SIGLEC8: variants seen among roughly 807,000 people sequenced by gnomAD.
SIGLEC8 encodes sialic acid binding Ig like lectin 8.
In SIGLEC8, 32 loss-of-function variants were observed where a neutral mutation model predicts 42.1. The ratio of observed to expected loss-of-function variants is 0.76; its 90% CI spans 0.57 to 1.02. SIGLEC8 has a LOEUF of 1.02. Ranked by LOEUF, SIGLEC8 falls within the 50% of genes least tolerant of loss-of-function variation. The pLI, the probability that SIGLEC8 is intolerant of heterozygous loss-of-function variation, is 0.00. For missense variants in SIGLEC8, 611 were observed against 610.2 expected, an observed-to-expected ratio of 1.00 and a Z score of -0.01; for synonymous variants, 262 against 260.3, an observed-to-expected ratio of 1.01 and a Z score of -0.06.
Position 51,454,104 on chromosome 19 carries a change from A to G in SIGLEC8, c.1245+115T>C, listed in dbSNP as rs1599927552. ...GTCCTGTAGAAGCCGGCCTGTGGGA[A>G]GGAGGAGGAGACGAGGAAGTGACTT... On this transcript the variant is annotated intron_variant, in intron 6 of 6. Coordinates refer to ENST00000321424, the MANE Select transcript of SIGLEC8 (RefSeq NM_014442.3). This position sits in a 1 kb window ranked among gnomAD's most constrained non-coding sequence, Gnocchi z 4.7. 4 of 1,518,720 alleles carry G rather than the reference A, an allele frequency of 2.6e-6. No homozygotes were observed. The East Asian group carries it at 7.0e-5, about 27-fold the overall frequency. The allele number at this position is 1,518,720 out of a possible 1,614,324, so 94.1% of individuals were successfully genotyped here. A position where few individuals can be genotyped will look rare whatever the true frequency, so the allele number is the denominator to read the frequency against.
chr19:51,457,855 C>T, intron 1 of SIGLEC8, 79 bp downstream of exon 1: 1 of 1,558,896 alleles, frequency 6.4e-7, no homozygotes, highest in East Asian at 2.2e-5. Flanking sequence ...TCCCAACCCC[C>T]TCCCAGGCCC....
Position 51,457,717 on chromosome 19 carries a change from G to A in SIGLEC8, c.477C>T (p.Ile159=), listed in dbSNP as rs200587581. ...CAGACTCTAGGGTCCCTAGGATGAG[G>A]ATGTCAGGCCTATGGGTCAGGGCTG... The part of the protein sequence containing the change: ...FVTALTHRPD[I]LILGTLESGH... Residue 159 remains isoleucine, a synonymous_variant, in exon 2 of 7, where the codon ATC becomes ATT. Coordinates refer to ENST00000321424, the MANE Select transcript of SIGLEC8 (RefSeq NM_014442.3). 2 of 1,590,026 alleles carry A rather than the reference G, an allele frequency of 1.3e-6. No individual in the cohort carries two copies. Among genetic ancestry groups the A allele is most frequent in the Non-Finnish European group, 1.7e-6 (2 of 1,169,548 alleles).
chr19:51,454,261 T>G lies in SIGLEC8; in HGVS notation c.1203A>C (p.Thr401=), dbSNP rs749770055. The G allele has an allele frequency of 6.2e-7, 1 of 1,614,112 alleles. No homozygotes were observed. Among genetic ancestry groups the G allele is most frequent in the East Asian group, 2.2e-5 (1 of 44,876 alleles). The part of the protein sequence containing the change: ...SARPAAGVGD[T]GMEDAKAIRG... Reference sequence around the variant, plus strand: ...TGATGGCCTTTGCATCTTCCATGCCTGTATCCCCCACGCCCGCTGCTGGCC... The same window carrying G: ...TGATGGCCTTTGCATCTTCCATGCCGGTATCCCCCACGCCCGCTGCTGGCC... The change falls in exon 6 of 7, where the codon ACA becomes ACC. Residue 401 remains threonine, a synonymous_variant. Coordinates refer to ENST00000321424, the MANE Select transcript of SIGLEC8 (RefSeq NM_014442.3). The surrounding 1 kb of genome is among the most constrained non-coding windows in gnomAD (Gnocchi z 4.7).
In SIGLEC8 at chr19:51,457,479, C is replaced by A; in HGVS notation, c.715G>T (p.Val239Phe). The change falls in exon 2 of 7, where the codon GTC (valine) becomes TTC (phenylalanine). Residue 239 changes from valine (V) to phenylalanine (F), a missense_variant. Val to Phe is a conservative substitution (Grantham distance 50, BLOSUM62 -1). Transcript: ENST00000321424. The part of the protein sequence containing the change: ...PGTGVTTTST[V>F]RLDVSYPPWN... The stretch of plus-strand genomic sequence containing the variant: ...CACTCACAGGACACATCGAGGCGGA[C>A]GGTACTGGTCGTGGTCACACCTGTC... 1 of 1,613,718 alleles carries A rather than the reference C, an allele frequency of 6.2e-7. No individual in the cohort carries two copies.
chr19:51,454,868 C>T lies in SIGLEC8; in HGVS notation c.1052-88G>A. 1 of 887,450 alleles carries T rather than the reference C, an allele frequency of 1.1e-6. No homozygotes were observed. Among genetic ancestry groups the T allele is most frequent in the South Asian group, 1.4e-5 (1 of 71,148 alleles). 55.0% of individuals were successfully genotyped at this position (887,450 alleles called of 1,614,324 possible). On this transcript the variant is annotated intron_variant, in intron 4 of 6. Transcript: ENST00000321424. The surrounding 1 kb of genome is among the most constrained non-coding windows in gnomAD (Gnocchi z 4.7). Reference sequence around the variant, plus strand: ...CCACTGTCTGCAGGGCCCTAGACTTCCATTCCCCTCTTCTCCTTCCCAGAC... The same window carrying T: ...CCACTGTCTGCAGGGCCCTAGACTTTCATTCCCCTCTTCTCCTTCCCAGAC...
In SIGLEC8 at chr19:51,457,638, G is replaced by A. The variant is rs752226306; in HGVS notation, c.556C>T (p.Pro186Ser). The change falls in exon 2 of 7, where the codon CCC becomes TCC. Residue 186 changes from proline to serine, a missense_variant. By Grantham distance (74) the Pro-to-Ser change is moderately conservative. Coordinates refer to ENST00000321424, the MANE Select transcript of SIGLEC8 (RefSeq NM_014442.3). ...GCCCCAATCCAGGAGATCATGGGGGGTGTCCCCTGCTTACAGGCCCAGGGC... is the reference window on the plus strand; with the variant it reads ...GCCCCAATCCAGGAGATCATGGGGGATGTCCCCTGCTTACAGGCCCAGGGC... Reference protein sequence around the residue: ...SVPWACKQGTPPMISWIGASV... With the variant: ...SVPWACKQGTSPMISWIGASV... The A allele has an allele frequency of 2.5e-6, 4 of 1,611,962 alleles. No homozygotes were observed. The highest frequency in any genetic ancestry group is 1.7e-6 in the Non-Finnish European group (2 of 1,178,872).
At position 51,457,589 on chromosome 19, in the gene SIGLEC8, G is replaced by A. The variant is rs1989526123; in HGVS notation, c.605C>T (p.Thr202Ile). Residue 202 changes from threonine (T) to isoleucine (I), a missense_variant, in exon 2 of 7, where the codon ACT becomes ATT. Transcript: ENST00000321424. ...IGASVSSPGP[T>I]TARSSVLTLT... The stretch of plus-strand genomic sequence containing the variant: ...GGTGAGCACTGAGGAGCGGGCAGTA[G>A]TGGGGCCCGGGGAGGACACGGAGGC... The A allele has an allele frequency of 3.1e-6, 5 of 1,613,674 alleles. No individual in the cohort carries two copies. Among genetic ancestry groups the A allele is most frequent in the Non-Finnish European group, 4.2e-6 (5 of 1,179,784 alleles).
intron 3 of SIGLEC8, among the ~76,000 whole-genome samples, chr19:51,456,438 G>T (rs949603712): frequency 6.6e-6 from 1 of 152,156 alleles, no homozygotes; most frequent in African/African-American, 2.4e-5. Context: ...TACGACACTG[G>T]TATATTTTGC....
At position 51,458,138 on chromosome 19, in the gene SIGLEC8, G is replaced by C; in HGVS notation, c.250C>G (p.Pro84Ala). Residue 84 changes from proline (P) to alanine (A), a missense_variant, in exon 1 of 7, where the codon CCA (proline) becomes GCA (alanine). By Grantham distance (27) the Pro-to-Ala change is conservative (BLOSUM62 -1). Coordinates refer to ENST00000321424, the MANE Select transcript of SIGLEC8 (RefSeq NM_014442.3). ...GTCTCTGCCTGCACTTCTCTGTCTG[G>C]GTTGTTTGTGGCCACTGGAGCGTCT... ...YQDAPVATNN[P>A]DREVQAETQG... The C allele has an allele frequency of 6.2e-7, 1 of 1,614,100 alleles. No individual in the cohort carries two copies.
chr19:51,452,670 G>T, intron 6 of SIGLEC8, 37 bp from the exon 7 acceptor site: 3 of 1,460,908 alleles, frequency 2.1e-6, no homozygotes, highest in Non-Finnish European at 2.7e-6. Flanking sequence ...GAACAGAGCA[G>T]TGGGGCCAGG....
Position 51,458,317 on chromosome 19 carries a change from C to G in SIGLEC8, c.71G>C (p.Gly24Ala). The change falls in exon 1 of 7, where the codon GGG becomes GCG. Residue 24 changes from glycine (G) to alanine (A), a missense_variant. Physicochemically the swap from Gly to Ala is moderately conservative, Grantham distance 60. Transcript: ENST00000321424. The stretch of plus-strand genomic sequence containing the variant: ...CTGCACTTGCAGCAAGTAACCATCC[C>G]CATATTGTCTGTCTCCCTCCATCCC... ...TKGMEGDRQY[G>A]DGYLLQVQEL... 6.2e-7 allele frequency: 1 copy of G among 1,614,124 alleles called. No homozygotes were observed. The highest frequency in any genetic ancestry group is 8.5e-7 in the Non-Finnish European group (1 of 1,179,988).
At chr19:51,456,273 G>C (rs562210632) in intron 3 of SIGLEC8, among the ~76,000 whole-genome samples, 1 of 152,230 alleles carries the variant, frequency 6.6e-6, no homozygotes, top group East Asian at 1.9e-4. Context: ...TGGATCCAGA[G>C]AAAGAGGAAG....
At chr19:51,457,052 G>A in intron 3 of SIGLEC8, 132 bp downstream of exon 3, 1 of 837,682 alleles carries the variant, frequency 1.2e-6, no homozygotes. Flanking sequence ...GGAGATGTGG[G>A]CTCTTGTGCC....
rs1989450991 is a variant in SIGLEC8, at chr19:51,454,769, G to A, written c.1063C>T (p.Pro355Ser). Residue 355 changes from proline (P) to serine (S), a missense_variant, in exon 5 of 7, where the codon CCT becomes TCT. Pro to Ser is a moderately conservative substitution (Grantham distance 74). Coordinates refer to ENST00000321424, the MANE Select transcript of SIGLEC8 (RefSeq NM_014442.3). This position sits in a 1 kb window ranked among gnomAD's most constrained non-coding sequence, Gnocchi z 4.7. ...GCTGCCAGTGTCACTTGTGATACAG[G>A]TCTTGAGGTGCCTGCAGATGGATTG... Reference protein sequence around the residue: ...LQNEGTGTSRPVSQVTLAAVG... With the variant: ...LQNEGTGTSRSVSQVTLAAVG... 1.2e-6 allele frequency: 2 copies of A among 1,613,586 alleles called. No individual in the cohort carries two copies. Among genetic ancestry groups the A allele is most frequent in the Non-Finnish European group, 1.7e-6 (2 of 1,179,660 alleles).
In SIGLEC8 at chr19:51,452,095, T is replaced by G; in HGVS notation, c.*284A>C. 1 of 285,602 alleles carries G rather than the reference T, an allele frequency of 3.5e-6. No homozygotes were observed. Among genetic ancestry groups the G allele is most frequent in the African/African-American group, 2.2e-5 (1 of 46,262 alleles). The allele number at this position is 285,602 out of a possible 1,614,324, so 17.7% of individuals were successfully genotyped here. ...AAATATTCAGTGCTTGATTCTGTCA[T>G]TTGAGAGAACATGGATGAACCTAGG... On this transcript the variant is annotated 3_prime_UTR_variant, in exon 7 of 7. Coordinates refer to ENST00000321424, the MANE Select transcript of SIGLEC8 (RefSeq NM_014442.3).
intron 3 of SIGLEC8, among the ~76,000 whole-genome samples, chr19:51,456,068 A>C (rs1989485230): frequency 8.3e-6 from 1 of 120,182 alleles, no homozygotes; most frequent in Admixed American, 9.0e-5. Flanking sequence ...CACACCGGGG[A>C]CTGTTGTGGG....
intron 3 of SIGLEC8, among the ~76,000 whole-genome samples, chr19:51,456,181 C>A (rs771585877): frequency 1.2e-4 from 18 of 152,088 alleles, no homozygotes; most frequent in African/African-American, 3.9e-4. Context: ...AACAAACCTG[C>A]ACGTTGTGCA....
rs1472250152 is a variant in SIGLEC8 at position 51,451,441 on chromosome 19, C to T, written c.*938G>A. ...CAGTGCACCTGTCTTGTTCCTGAGA[C>T]TCTAGGCCATTGCTGCTCCCTCTTT... On this transcript the variant is annotated 3_prime_UTR_variant, in exon 7 of 7. Transcript: ENST00000321424. 1 of 152,206 alleles carries T rather than the reference C, an allele frequency of 6.6e-6. No homozygotes were observed. The highest frequency in any genetic ancestry group is 2.1e-4 in the South Asian group (1 of 4,830). 9.4% of individuals were successfully genotyped at this position (152,206 alleles called of 1,614,324 possible). A position where few individuals can be genotyped will look rare whatever the true frequency, so the allele number is the denominator to read the frequency against.
At chr19:51,457,428 T>C in intron 2 of SIGLEC8, 33 bp downstream of exon 2, 1 of 1,611,692 alleles carries the variant, frequency 6.2e-7, no homozygotes, top group African/African-American at 1.3e-5. Context: ...TCCCAACCCA[T>C]GAGGGACCTG....
Sources: allele counts gnomAD v4.1 joint callset (sites outside exome capture counted in the v4.1 genomes callset), GRCh38; gene constraint gnomAD v4.1.1; non-coding constraint Gnocchi (gnomAD v3.1); transcripts MANE v1.5; gene names NCBI Gene and HGNC (gene_info 2026-07-23, HGNC 2026-07-21).